WWOX: variants seen among roughly 807,000 people sequenced by gnomAD.
WWOX encodes the protein WW domain containing oxidoreductase, also known as WW domain-containing oxidoreductase.
A neutral mutation model predicts 46.2 loss-of-function variants in WWOX; 69 were observed. The observed-to-expected ratio is 1.49, with a 90% CI of 1.23 to 1.82. WWOX has a LOEUF of 1.82. Among genes scored for constraint, WWOX ranks in the 40% most tolerant of loss-of-function variants. The probability of loss-of-function intolerance (pLI) is 0.00; values close to 1 mark genes in which losing one functional copy is unlikely to be tolerated. For missense variants in WWOX, 919 were observed against 542.6 expected (o/e 1.69, Z -6.89); for synonymous variants, 359 against 202.6 (o/e 1.77, Z -6.56).
chr16:78,691,094 T>A, intron 8 of WWOX: 1 of 610,522 alleles, frequency 1.6e-6, no homozygotes, highest in Non-Finnish European at 2.9e-6. Context: ...TTTTTGAAAG[T>A]AAGAGTGCTT....
intron 8 of WWOX, among the ~76,000 whole-genome samples, chr16:78,715,947 C>T (rs1244959343): frequency 6.6e-6 from 1 of 152,048 alleles, no homozygotes; most frequent in Non-Finnish European, 1.5e-5. Flanking sequence ...CTGATAGGGC[C>T]TCTAACCTAA....
intron 8 of WWOX, among the ~76,000 whole-genome samples, chr16:79,079,540 G>A (rs1046616900): frequency 6.6e-6 from 1 of 152,106 alleles, no homozygotes; most frequent in Non-Finnish European, 1.5e-5. Flanking sequence ...CCCATTGTTT[G>A]CACTTCCCCT....
At chr16:78,426,741 A>G (rs2083087977) in intron 7 of WWOX, among the ~76,000 whole-genome samples, 1 of 152,084 alleles carries the variant, frequency 6.6e-6, no homozygotes, top group African/African-American at 2.4e-5. Context: ...TCGGCTCACC[A>G]CAACTTCAGA....
rs1162698579 is a variant in WWOX at position 78,298,884 on chromosome 16, T to G, written c.517-87976T>G. Among the ~76,000 whole-genome samples the G allele has an allele frequency of 9.2e-5, 14 of 152,270 alleles. No individual in the cohort carries two copies. In the East Asian group the frequency reaches 2.5e-3, roughly 27 times the overall value. ...GTTTAACACTGTCCCTGAGACATAGTAAGGCCTCAGTAACTGTTAGCTCTC... is the reference window on the plus strand; with the variant it reads ...GTTTAACACTGTCCCTGAGACATAGGAAGGCCTCAGTAACTGTTAGCTCTC... On this transcript the variant is annotated intron_variant, in intron 5 of 8. Coordinates refer to ENST00000566780, the MANE Select transcript of WWOX (RefSeq NM_016373.4).
In WWOX at chr16:78,650,380, C is replaced by T. The variant is rs550566318; in HGVS notation, c.1056+217628C>T. 3.4e-3 allele frequency among the ~76,000 whole-genome samples: 523 copies of T among 152,282 alleles called. 3 individuals carry two copies. Among genetic ancestry groups the T allele is most frequent in the African/African-American group, 0.012 (511 of 41,552 alleles). ...ATTCCATAAGCTGGAGACACTGCCCCTGTTTCAAATGAATACAGATTCATT... is the reference window on the plus strand; with the variant it reads ...ATTCCATAAGCTGGAGACACTGCCCTTGTTTCAAATGAATACAGATTCATT... On this transcript the variant is annotated intron_variant, in intron 8 of 8. Coordinates refer to ENST00000566780, the MANE Select transcript of WWOX (RefSeq NM_016373.4).
chr16:78,614,697 T>C (rs1223870815), intron 8 of WWOX, among the ~76,000 whole-genome samples: 1 of 152,222 alleles, frequency 6.6e-6, no homozygotes. Context: ...TAACGCTACA[T>C]GAAGAGGGAC....
At chr16:78,555,324 A>C (rs964568306) in intron 8 of WWOX, among the ~76,000 whole-genome samples, 7 of 152,228 alleles carry the variant, frequency 4.6e-5, no homozygotes, top group Non-Finnish European at 1.0e-4. Flanking sequence ...TTATTCTAAT[A>C]CTCACATTTC....
chr16:78,849,217 G>C (rs192158610), intron 8 of WWOX, among the ~76,000 whole-genome samples: 11 of 152,272 alleles, frequency 7.2e-5, no homozygotes, highest in African/African-American at 2.6e-4. Context: ...ACTCACCTTT[G>C]GGCATGTTGC....
intron 5 of WWOX, among the ~76,000 whole-genome samples, chr16:78,338,286 A>C (rs1456926905): frequency 1.6e-5 from 2 of 121,514 alleles, no homozygotes; most frequent in Admixed American, 1.6e-4. Flanking sequence ...AGCAGGTGGA[A>C]ATGTAGACAC....
At chr16:78,765,226 G>A (rs548696338) in intron 8 of WWOX, among the ~76,000 whole-genome samples, 11 of 152,346 alleles carry the variant, frequency 7.2e-5, no homozygotes, top group East Asian at 1.9e-4. Context: ...GATCCAGCAC[G>A]AGCAAAGGCA....
intron 8 of WWOX, among the ~76,000 whole-genome samples, chr16:78,671,048 T>C (rs1438467616): frequency 6.6e-6 from 1 of 151,964 alleles, no homozygotes; most frequent in Non-Finnish European, 1.5e-5. Context: ...TGCAAGCATT[T>C]CTCCTGCAGA....
chr16:78,829,654 G>A (rs139209602), intron 8 of WWOX, among the ~76,000 whole-genome samples: 1 of 151,978 alleles, frequency 6.6e-6, no homozygotes, highest in African/African-American at 2.4e-5. Flanking sequence ...ACTAGGTTCT[G>A]TGCCAAGGAT....
intron 5 of WWOX, among the ~76,000 whole-genome samples, chr16:78,334,901 A>T (rs2080849736): frequency 7.0e-6 from 1 of 143,644 alleles, no homozygotes; most frequent in South Asian, 2.2e-4. Context: ...AATTAAACTC[A>T]TTGAGGAGAT....
At chr16:78,407,391 C>A (rs1189131975) in intron 6 of WWOX, among the ~76,000 whole-genome samples, 1 of 152,182 alleles carries the variant, frequency 6.6e-6, no homozygotes, top group Non-Finnish European at 1.5e-5. Context: ...TCAGCTCATT[C>A]CTTTGCTGTG....
intron 8 of WWOX, among the ~76,000 whole-genome samples, chr16:78,448,677 A>G (rs140728321): frequency 3.4e-4 from 52 of 152,338 alleles, no homozygotes; most frequent in African/African-American, 1.2e-3. Flanking sequence ...AAGTTAAAAT[A>G]TAGACTTTGT....
intron 5 of WWOX, among the ~76,000 whole-genome samples, chr16:78,214,901 T>C (rs1257489398): frequency 6.6e-6 from 1 of 152,110 alleles, no homozygotes; most frequent in Admixed American, 6.5e-5. Context: ...CTACTTGGTA[T>C]ATTTTAGTTC....
chr16:78,477,849 T>C (rs1423623508), intron 8 of WWOX, among the ~76,000 whole-genome samples: 1 of 152,190 alleles, frequency 6.6e-6, no homozygotes, highest in Non-Finnish European at 1.5e-5. Flanking sequence ...TCTTTTACTA[T>C]GTACTGTATT....
At chr16:78,212,484 A>G (rs960165705) in intron 5 of WWOX, among the ~76,000 whole-genome samples, 1 of 152,130 alleles carries the variant, frequency 6.6e-6, no homozygotes, top group Admixed American at 6.6e-5. Flanking sequence ...TGTAGTTTAT[A>G]TTGGATTCTG....
chr16:78,447,956 A>G (rs1040830473), intron 8 of WWOX, among the ~76,000 whole-genome samples: 1 of 152,042 alleles, frequency 6.6e-6, no homozygotes, highest in Admixed American at 6.6e-5. Flanking sequence ...GGCACCCACC[A>G]CTACATCCAG....
Sources: allele counts gnomAD v4.1 joint callset (sites outside exome capture counted in the v4.1 genomes callset), GRCh38; gene constraint gnomAD v4.1.1; transcripts MANE v1.5; gene names NCBI Gene and HGNC (gene_info 2026-07-23, HGNC 2026-07-21).